Variants in ROPN1L observed in about 807,000 individuals in gnomAD.
ROPN1L encodes ropporin-1-like protein.
A neutral mutation model predicts 22.7 loss-of-function variants in ROPN1L; 23 were observed. The observed-to-expected ratio is 1.01, with a 90% CI of 0.73 to 1.43. The LOEUF is 1.43. Among genes scored for constraint, ROPN1L ranks in the 40% most tolerant of loss-of-function variants. ROPN1L has a pLI of 0.00. For synonymous variants in ROPN1L, 116 were observed against 117.8 expected (o/e 0.98, Z 0.10); for missense variants, 271 against 291.5 (o/e 0.93, Z 0.51).
downstream of ROPN1L, among the ~76,000 whole-genome samples, chr5:10,466,337 G>T (rs907789176): frequency 6.6e-6 from 1 of 152,112 alleles, no homozygotes; most frequent in Non-Finnish European, 1.5e-5. Flanking sequence ...CTTGTTGGGA[G>T]GTGATGGGGA....
the ROPN1L span, among the ~76,000 whole-genome samples, chr5:10,479,036 C>T: frequency 3.9e-5 from 6 of 152,150 alleles, no homozygotes; most frequent in African/African-American, 1.4e-4. Flanking sequence ...TATATTTTAG[C>T]ACTCTGTTTT....
intron 2 of ROPN1L, 115 bp from the exon 3 acceptor site, chr5:10,449,837 T>C (rs1173761479): frequency 3.8e-6 from 3 of 792,950 alleles, no homozygotes; most frequent in Non-Finnish European, 5.8e-6. Flanking sequence ...GCATTTGGAG[T>C]TCATCTGTCC....
At chr5:10,452,415 C>A (rs1419661171) in intron 3 of ROPN1L, among the ~76,000 whole-genome samples, 1 of 145,712 alleles carries the variant, frequency 6.9e-6, no homozygotes, top group Admixed American at 6.9e-5. Flanking sequence ...GGGCTCACTG[C>A]CACCTCCGCC....
At chr5:10,467,267 G>C (rs940045168), downstream of ROPN1L, among the ~76,000 whole-genome samples, 8 of 139,728 alleles carry the variant, frequency 5.7e-5, no homozygotes, top group Non-Finnish European at 1.2e-4. Flanking sequence ...AAAAAGAAAT[G>C]TAAATAGAAA....
intron 4 of ROPN1L, among the ~76,000 whole-genome samples, chr5:10,464,209 C>T (rs1286775073): frequency 6.6e-6 from 1 of 152,170 alleles, no homozygotes; most frequent in African/African-American, 2.4e-5. Flanking sequence ...TTCCTCCTTC[C>T]TCTGTCATCC....
At chr5:10,479,731 A>G in the ROPN1L span, among the ~76,000 whole-genome samples, 1 of 150,910 alleles carries the variant, frequency 6.6e-6, no homozygotes, top group East Asian at 1.9e-4. Context: ...CTTTGCGGTA[A>G]TAGGCTGGGA....
At chr5:10,451,515 T>G (rs1353537012) in intron 3 of ROPN1L, among the ~76,000 whole-genome samples, 3 of 152,276 alleles carry the variant, frequency 2.0e-5, no homozygotes, top group Non-Finnish European at 4.4e-5. Context: ...AGTAATTTTC[T>G]GAAATTTTCA....
chr5:10,463,584 A>G (rs899170905), intron 4 of ROPN1L, among the ~76,000 whole-genome samples: 2 of 152,180 alleles, frequency 1.3e-5, no homozygotes, highest in East Asian at 3.9e-4. Context: ...CCTTGGGACC[A>G]CTGCCCCCCA....
downstream of ROPN1L, among the ~76,000 whole-genome samples, chr5:10,473,095 G>C (rs1167658703): frequency 6.6e-6 from 1 of 152,160 alleles, no homozygotes; most frequent in African/African-American, 2.4e-5. Context: ...CACAATATCA[G>C]GGTGAATACC....
chr5:10,459,713 C>A (rs1734974541), intron 3 of ROPN1L, among the ~76,000 whole-genome samples: 1 of 152,194 alleles, frequency 6.6e-6, no homozygotes, highest in Non-Finnish European at 1.5e-5. Context: ...CTCTGACCGT[C>A]CCTGACCACC....
chr5:10,462,747 TGTG>T (rs1241517842), intron 4 of ROPN1L, among the ~76,000 whole-genome samples: 2 of 151,710 alleles, frequency 1.3e-5, no homozygotes, highest in African/African-American at 2.4e-5. Context: ...AATAACCAGG[TGTG>T]GTGGTGGGTG....
Position 10,452,309 on chromosome 5 carries a change from G to GTC in ROPN1L, c.417+2197_417+2198insCT, listed in dbSNP as rs1319723489. 8.1e-3 allele frequency among the ~76,000 whole-genome samples: 1,145 copies of GTC among 141,662 alleles called. 12 individuals carry two copies. Among genetic ancestry groups the GTC allele is most frequent in the Middle Eastern group, 0.025 (7 of 278 alleles). 92.9% of individuals were successfully genotyped at this position (141,662 alleles called of 152,430 possible). A position where few individuals can be genotyped will look rare whatever the true frequency, so the allele number is the denominator to read the frequency against. ...TATATGTGTGTGTGTGTGTGTGTGT[G>GTC]TGTGTCTGTGTGTGTGTGTGTGTGT... On this transcript the variant is annotated intron_variant, in intron 3 of 4. Transcript: ENST00000274134.
downstream of ROPN1L, among the ~76,000 whole-genome samples, chr5:10,474,682 C>A (rs766270826): frequency 6.6e-6 from 1 of 152,232 alleles, no homozygotes; most frequent in Non-Finnish European, 1.5e-5. Context: ...GGCTTGGACG[C>A]TCCACCCATG....
At chr5:10,479,895 C>A in the ROPN1L span, among the ~76,000 whole-genome samples, 1 of 152,160 alleles carries the variant, frequency 6.6e-6, no homozygotes, top group Non-Finnish European at 1.5e-5. Flanking sequence ...CAGGCATGCG[C>A]CACCACGCCT....
At chr5:10,457,573 A>T (rs533848030) in intron 3 of ROPN1L, among the ~76,000 whole-genome samples, 1 of 152,208 alleles carries the variant, frequency 6.6e-6, no homozygotes, top group South Asian at 2.1e-4. Context: ...CAGTAACCAC[A>T]CGAGGTGACT....
chr5:10,480,537 C>T, the ROPN1L span, among the ~76,000 whole-genome samples: 1 of 151,580 alleles, frequency 6.6e-6, no homozygotes, highest in Non-Finnish European at 1.5e-5. Flanking sequence ...GTCGGTGAGG[C>T]GGGGGCAGTG....
At chr5:10,480,790 T>G in the ROPN1L span, among the ~76,000 whole-genome samples, 1 of 152,162 alleles carries the variant, frequency 6.6e-6, no homozygotes, top group African/African-American at 2.4e-5. Context: ...TGAGAGGATC[T>G]GCTTGAGAAC....
intron 3 of ROPN1L, among the ~76,000 whole-genome samples, chr5:10,451,861 A>T (rs562334429): frequency 1.3e-5 from 2 of 152,334 alleles, no homozygotes; most frequent in South Asian, 4.1e-4. Context: ...ATCAAGATAG[A>T]CAAAGGCAAA....
rs773610285 is a variant in ROPN1L, at chr5:10,448,318, C to A, written c.190C>A (p.Pro64Thr). ...PLPVKDRMEM[P>T]TATQKTDTGL... Reference sequence around the variant, plus strand: ...TCCTGTAAAGGACAGAATGGAAATGCCCACGGCAACCCAGAAAACAGACAC... The same window carrying A: ...TCCTGTAAAGGACAGAATGGAAATGACCACGGCAACCCAGAAAACAGACAC... Residue 64 changes from proline to threonine, a missense_variant, in exon 2 of 5, where the codon CCC (proline) becomes ACC (threonine). Transcript: ENST00000274134. 3.7e-6 allele frequency: 6 copies of A among 1,614,028 alleles called. No homozygotes were observed. In the Admixed American group the frequency reaches 6.7e-5, roughly 18 times the overall value.
Sources: gnomAD v4.1 joint callset for allele counts (sites outside exome capture counted in the v4.1 genomes callset) on GRCh38, gnomAD v4.1.1 for gene constraint, MANE v1.5 for transcripts, NCBI Gene and HGNC (gene_info 2026-07-23, HGNC 2026-07-21) for gene names.